ADGRB2: variants seen among roughly 807,000 people sequenced by gnomAD.
ADGRB2 encodes brain-specific angiogenesis inhibitor 2.
ADGRB2 carries 47 observed loss-of-function variants against 178.7 expected under a neutral mutation model. That is an observed-to-expected ratio of 0.26 (90% CI 0.21 to 0.34). ADGRB2 has a LOEUF of 0.34. Among genes scored for constraint, ADGRB2 ranks in the 10% least tolerant of loss-of-function variants. The pLI, the probability that ADGRB2 is intolerant of heterozygous loss-of-function variation, is 1.00. For missense variants in ADGRB2, 1,584 were observed against 2,180.8 expected, an observed-to-expected ratio of 0.73 and a Z score of 5.45; for synonymous variants, 870 against 912.4, an observed-to-expected ratio of 0.95 and a Z score of 0.84.
chr1:31,757,586 T>TG (rs71286152), intron 1 of ADGRB2, 75 bp from the exon 2 acceptor site: 28,507 of 271,066 alleles, frequency 0.11, 3,892 homozygotes, highest in African/African-American at 0.39. Flanking sequence ...AGCCACCTGC[T>TG]GGTGGGTGAC....
At chr1:31,739,763 C>T in intron 14 of ADGRB2, 128 bp from the exon 15 acceptor site, 5 of 1,238,512 alleles carry the variant, frequency 4.0e-6, no homozygotes, top group Non-Finnish European at 4.5e-6. Flanking sequence ...GAAGTTGGTA[C>T]AAACACAGAG....
At chr1:31,736,534 C>G in intron 21 of ADGRB2, 39 bp downstream of exon 21, 1 of 1,604,682 alleles carries the variant, frequency 6.2e-7, no homozygotes, top group Non-Finnish European at 8.5e-7. Context: ...CCCTGCCCAC[C>G]AAGGCCCAGC....
In ADGRB2 at chr1:31,741,478, C is replaced by G. The variant is rs1645962332; in HGVS notation, c.1689G>C (p.Gly563=). The G allele has an allele frequency of 2.5e-6, 4 of 1,587,512 alleles. No homozygotes were observed. Among genetic ancestry groups the G allele is most frequent in the African/African-American group, 1.3e-5 (1 of 74,590 alleles). Residue 563 remains glycine (G), a splice_region_variant and synonymous_variant, in exon 11 of 33, where the codon GGG becomes GGC. Transcript: ENST00000373658. This position sits in a 1 kb window ranked among gnomAD's most constrained non-coding sequence, Gnocchi z 6.5. ...TGAGGAGACAGCGGCGGCTGGCAGA[C>G]CCTGCAGGGCAATAGGACAGAGGTC... The part of the protein sequence containing the change: ...IYNKCPPNAS[G]SASRRCLLSA...
chr1:31,739,239 A>T, intron 15 of ADGRB2, 69 bp downstream of exon 15: 1 of 1,397,594 alleles, frequency 7.2e-7, no homozygotes, highest in Non-Finnish European at 9.5e-7. Context: ...GCACTGGCTC[A>T]GTCCTCCTTC....
rs750450770 is a variant in ADGRB2 at position 31,759,383 on chromosome 1, G to A, written c.-190-1872C>T. The stretch of plus-strand genomic sequence containing the variant: ...CTAAGTGTCAGGCAGGATCCTCTGC[G>A]GGGTCTTCCTTTGCATGTCTGAAGC... On this transcript the variant is annotated intron_variant, in intron 1 of 32. Coordinates refer to ENST00000373658, the MANE Select transcript of ADGRB2 (RefSeq NM_001364857.2). This position sits in a 1 kb window ranked among gnomAD's most constrained non-coding sequence, Gnocchi z 4.3. The A allele has an allele frequency of 9.0e-6, 7 of 779,500 alleles. No individual in the cohort carries two copies. Among genetic ancestry groups the A allele is most frequent in the East Asian group, 2.4e-5 (1 of 41,262 alleles). 48.3% of individuals were successfully genotyped at this position (779,500 alleles called of 1,614,324 possible).
chr1:31,740,895 G>GCGCGCACACACACACA lies in ADGRB2; in HGVS notation c.1795-355_1795-354insTGTGTGTGTGTGCGCG, dbSNP rs1553185114. On this transcript the variant is annotated intron_variant, in intron 11 of 32. Coordinates refer to ENST00000373658, the MANE Select transcript of ADGRB2 (RefSeq NM_001364857.2). The surrounding 1 kb of genome is among the most constrained non-coding windows in gnomAD (Gnocchi z 5.9). The stretch of plus-strand genomic sequence containing the variant: ...AATGAGCATGTGTGTGGGCGCGCGC[G>GCGCGCACACACACACA]CACACACACACACACACACACACAC... 7.1e-6 allele frequency among the ~76,000 whole-genome samples: 1 copy of GCGCGCACACACACACA among 140,390 alleles called. No homozygotes were observed. The highest frequency in any genetic ancestry group is 2.2e-4 in the East Asian group (1 of 4,642). 92.1% of individuals were successfully genotyped at this position (140,390 alleles called of 152,430 possible). A position where few individuals can be genotyped will look rare whatever the true frequency, so the allele number is the denominator to read the frequency against.
rs1647039959 is a variant in ADGRB2 at position 31,761,443 on chromosome 1, C to T, written c.-191+2441G>A. ...CTTCTGTGGCTGAGTGATTTCCCAC[C>T]TGGGCTCCCCCTAACAGGCTGCCTG... On this transcript the variant is annotated intron_variant, in intron 1 of 32. Coordinates refer to ENST00000373658, the MANE Select transcript of ADGRB2 (RefSeq NM_001364857.2). The surrounding 1 kb of genome is among the most constrained non-coding windows in gnomAD (Gnocchi z 4.2). Among the ~76,000 whole-genome samples the T allele has an allele frequency of 6.6e-6, 1 of 152,236 alleles. No homozygotes were observed. Among genetic ancestry groups the T allele is most frequent in the Non-Finnish European group, 1.5e-5 (1 of 68,042 alleles).
chr1:31,748,195 G>A (rs1039950771), intron 4 of ADGRB2, among the ~76,000 whole-genome samples: 38 of 152,382 alleles, frequency 2.5e-4, no homozygotes, highest in African/African-American at 8.7e-4. Context: ...CGAAGCGGGA[G>A]TGGGTTGGGG....
Position 31,737,678 on chromosome 1 carries a change from C to T in ADGRB2, c.2850G>A (p.Leu950=). 6.2e-7 allele frequency: 1 copy of T among 1,613,748 alleles called. No individual in the cohort carries two copies. The highest frequency in any genetic ancestry group is 1.1e-5 in the South Asian group (1 of 91,082). ...CAVSCMALLT[L]LAIYAAFWRF... ...TCCAAAAGGCGGCATAGATGGCGAG[C>T]AGGGTGAGCAGCGCCATGCACGACA... is the stretch of plus-strand genomic sequence containing the variant. The change falls in exon 19 of 33, where the codon CTG becomes CTA. Residue 950 remains leucine (L), a synonymous_variant. Transcript: ENST00000373658.
At chr1:31,757,116 T>A in intron 3 of ADGRB2, 85 bp downstream of exon 3, 5 of 1,598,764 alleles carry the variant, frequency 3.1e-6, no homozygotes, top group Non-Finnish European at 4.3e-6. Flanking sequence ...ACAGTAGTTG[T>A]TGTTGCCATC....
chr1:31,741,609 C>A lies in ADGRB2; in HGVS notation c.1687+15G>T. The A allele has an allele frequency of 6.2e-7, 1 of 1,611,344 alleles. No homozygotes were observed. Among genetic ancestry groups the A allele is most frequent in the Non-Finnish European group, 8.5e-7 (1 of 1,178,556 alleles). ...GCAGGGGTGGTGGTGGTGGGGAAAG[C>A]CACCTGCCCCTTACCTGAGGCATTC... On this transcript the variant is annotated intron_variant, in intron 10 of 32. Transcript: ENST00000373658. The surrounding 1 kb of genome is among the most constrained non-coding windows in gnomAD (Gnocchi z 6.5).
chr1:31,736,886 G>A (rs980550944), intron 20 of ADGRB2, among the ~76,000 whole-genome samples, 163 bp from the exon 21 acceptor site: 5 of 152,176 alleles, frequency 3.3e-5, no homozygotes, highest in African/African-American at 9.7e-5. Flanking sequence ...CCCACACACA[G>A]CACGACACGG....
chr1:31,752,492 C>G (rs1646626236), intron 4 of ADGRB2, among the ~76,000 whole-genome samples: 1 of 152,208 alleles, frequency 6.6e-6, no homozygotes, highest in African/African-American at 2.4e-5. Flanking sequence ...GAGAGAGCAG[C>G]AGGGTCTGAG....
In ADGRB2 at chr1:31,731,083, C is replaced by G; in HGVS notation, c.4097G>C (p.Gly1366Ala). Residue 1366 changes from glycine to alanine, a missense_variant, in exon 29 of 33, where the codon GGG becomes GCG. Gly to Ala is a moderately conservative substitution (Grantham distance 60). This residue lies in a region of ADGRB2 where 865 missense variants were observed against 1,192.8 expected (regional missense o/e 0.73). Transcript: ENST00000373658. ...GGGGGCATCCTCACCACCTCCACCC[C>G]CACCGCCAGGCTGCAGGCTCAAAGT... is the stretch of plus-strand genomic sequence containing the variant. ...RRTLSLQPGG[G>A]GGGGEDAPRA... 1 of 1,574,646 alleles carries G rather than the reference C, an allele frequency of 6.4e-7. No individual in the cohort carries two copies. The highest frequency in any genetic ancestry group is 8.6e-7 in the Non-Finnish European group (1 of 1,160,438).
chr1:31,735,160 G>T lies in ADGRB2; in HGVS notation c.3452+23C>A. ...TTCCTTTGCCCCACCCACCCCCACC[G>T]CCCCCCAGGGGGCACGACTAACATG... On this transcript the variant is annotated intron_variant, in intron 25 of 32. Transcript: ENST00000373658. This position sits in a 1 kb window ranked among gnomAD's most constrained non-coding sequence, Gnocchi z 6.0. 1.3e-5 allele frequency: 4 copies of T among 314,528 alleles called. No individual in the cohort carries two copies. 19.5% of individuals were successfully genotyped at this position (314,528 alleles called of 1,614,324 possible).
chr1:31,744,429 T>C lies in ADGRB2; in HGVS notation c.923-72A>G. On this transcript the variant is annotated intron_variant, in intron 5 of 32. Transcript: ENST00000373658. The surrounding 1 kb of genome is among the most constrained non-coding windows in gnomAD (Gnocchi z 6.7). ...CTCAGTCTCATAGGGATAGGGGGAG[T>C]GGCAGTAAGGTGGGGGCAGGCATCA... is the stretch of plus-strand genomic sequence containing the variant. 1 of 1,525,078 alleles carries C rather than the reference T, an allele frequency of 6.6e-7. No individual in the cohort carries two copies. Among genetic ancestry groups the C allele is most frequent in the East Asian group, 2.5e-5 (1 of 40,638 alleles). 94.5% of individuals were successfully genotyped at this position (1,525,078 alleles called of 1,614,324 possible).
Position 31,764,161 on chromosome 1 carries a change from C to T in ADGRB2, c.-468G>A, listed in dbSNP as rs868056743. The stretch of plus-strand genomic sequence containing the variant: ...CGCGCCGCCCCCCGCTCCCCCGCTC[C>T]CCCGCCCCGAGCACCGCCCGCGCCG... On this transcript the variant is annotated 5_prime_UTR_variant, in exon 1 of 33. Transcript: ENST00000373658. This position sits in a 1 kb window ranked among gnomAD's most constrained non-coding sequence, Gnocchi z 7.3. 1.6e-6 allele frequency: 1 copy of T among 630,512 alleles called. No individual in the cohort carries two copies. Among genetic ancestry groups the T allele is most frequent in the Non-Finnish European group, 2.0e-6 (1 of 509,650 alleles). The allele number at this position is 630,512 out of a possible 1,614,324, so 39.1% of individuals were successfully genotyped here.
chr1:31,749,579 A>G (rs1204061369), intron 4 of ADGRB2, among the ~76,000 whole-genome samples: 1 of 152,260 alleles, frequency 6.6e-6, no homozygotes, highest in African/African-American at 2.4e-5. Context: ...CAGTGAAAAC[A>G]GAGATGTGGA....
At position 31,731,363 on chromosome 1, in the gene ADGRB2, G is replaced by A. The variant is rs748198208; in HGVS notation, c.3817C>T (p.Arg1273Cys). ...TCCTCATCCTCATCCAGGGACAGGCGGGATAGTGTGCCCGTGATGGTGGAC... is the reference window on the plus strand; with the variant it reads ...TCCTCATCCTCATCCAGGGACAGGCAGGATAGTGTGCCCGTGATGGTGGAC... ...NPSTITGTLS[R>C]LSLDEDEEPK... Residue 1273 changes from arginine (R) to cysteine (C), a missense_variant, in exon 29 of 33, where the codon CGC becomes TGC. By Grantham distance (180) the Arg-to-Cys change is radical. Around this residue, in one of 3 missense-constraint regions of ADGRB2, gnomAD observed 865 missense variants for 1,192.8 expected, o/e 0.73. Coordinates refer to ENST00000373658, the MANE Select transcript of ADGRB2 (RefSeq NM_001364857.2). 14 of 1,612,290 alleles carry A rather than the reference G, an allele frequency of 8.7e-6. No homozygotes were observed. Among genetic ancestry groups the A allele is most frequent in the Non-Finnish European group, 9.3e-6 (11 of 1,179,682 alleles).
Sources: gnomAD v4.1 joint callset for allele counts (sites outside exome capture counted in the v4.1 genomes callset) on GRCh38, gnomAD v4.1.1 for gene constraint, gnomAD v4.1.1 regional missense constraint, Gnocchi (gnomAD v3.1) non-coding constraint, MANE v1.5 for transcripts, NCBI Gene and HGNC (gene_info 2026-07-23, HGNC 2026-07-21) for gene names.